The following RBMS3 variants were observed in gnomAD, a reference collection of about 807,000 sequenced individuals.
RBMS3 encodes the protein RNA-binding motif, single-stranded-interacting protein 3.
In RBMS3, 27 loss-of-function variants were observed where a neutral mutation model predicts 66.8. The ratio of observed to expected loss-of-function variants is 0.40; its 90% confidence interval spans 0.30 to 0.56. The LOEUF (loss-of-function observed/expected upper bound fraction) is 0.56, where lower values mean the gene tolerates loss of function less well. Ranked by LOEUF, RBMS3 falls within the 20% of genes least tolerant of loss-of-function variation. The probability of loss-of-function intolerance (pLI) is 0.40; values close to 1 mark genes in which losing one functional copy is unlikely to be tolerated. For synonymous variants in RBMS3, 188 were observed against 183.0 expected (o/e 1.03, Z -0.22); for missense variants, 513 against 549.5 (o/e 0.93, Z 0.66).
At chr3:29,368,597 TAGA>T (rs1210448941) in intron 1 of RBMS3, among the ~76,000 whole-genome samples, 1 of 152,004 alleles carries the variant, frequency 6.6e-6, no homozygotes, top group Non-Finnish European at 1.5e-5. Flanking sequence ...TCAGTTTAAA[TAGA>T]ATGAAGAAAA....
chr3:29,739,506 A>G (rs1310998834), intron 4 of RBMS3, among the ~76,000 whole-genome samples: 1 of 151,618 alleles, frequency 6.6e-6, no homozygotes, highest in Admixed American at 6.6e-5. Context: ...CTAAGGAATG[A>G]TGGATGGAGA....
chr3:29,526,520 C>CAAAAAAAAAA lies in RBMS3; in HGVS notation c.307+38059_307+38068dup. Among the ~76,000 whole-genome samples the CAAAAAAAAAA allele has an allele frequency of 5.6e-5, 2 of 35,936 alleles. 1 individual carries two copies. The highest frequency in any genetic ancestry group is 1.1e-4 in the Non-Finnish European group (2 of 18,282). 23.6% of individuals were successfully genotyped at this position (35,936 alleles called of 152,430 possible). On this transcript the variant is annotated intron_variant, in intron 3 of 14. Transcript: ENST00000383767. ...TGGACGACAGAGCGAGACTCCATCT[C>CAAAAAAAAAA]AAAAAAAAAAAAAAAAAAAAAAAAA...
At chr3:29,826,126 A>G (rs2058205808) in intron 6 of RBMS3, among the ~76,000 whole-genome samples, 1 of 152,194 alleles carries the variant, frequency 6.6e-6, no homozygotes, top group Non-Finnish European at 1.5e-5. Context: ...GATGGCATGT[A>G]TATCAATGAT....
At chr3:29,414,972 G>A (rs2040421800) in intron 1 of RBMS3, among the ~76,000 whole-genome samples, 1 of 152,142 alleles carries the variant, frequency 6.6e-6, no homozygotes, top group Non-Finnish European at 1.5e-5. Flanking sequence ...GCCTAGCATT[G>A]CTCTTTTTTC....
At chr3:29,533,601 C>G (rs113503991) in intron 3 of RBMS3, among the ~76,000 whole-genome samples, 1 of 152,068 alleles carries the variant, frequency 6.6e-6, no homozygotes, top group Non-Finnish European at 1.5e-5. Flanking sequence ...CATGGTGAAA[C>G]CCCATCTCTA....
intron 6 of RBMS3, among the ~76,000 whole-genome samples, chr3:29,793,366 A>G (rs1349957718): frequency 2.0e-5 from 3 of 152,130 alleles, no homozygotes; most frequent in African/African-American, 4.8e-5. Context: ...CCACTTCTGT[A>G]TACTAAGAAC....
chr3:29,360,270 G>T (rs1399299965), intron 1 of RBMS3, among the ~76,000 whole-genome samples: 1 of 151,956 alleles, frequency 6.6e-6, no homozygotes, highest in Non-Finnish European at 1.5e-5. Flanking sequence ...TGGTTTCAAA[G>T]AATATCTTTA....
Position 30,008,539 on chromosome 3 carries a change from C to T in RBMS3, c.*4677C>T, listed in dbSNP as rs760972474. On this transcript the variant is annotated 3_prime_UTR_variant, in exon 15 of 15. Transcript: ENST00000383767. ...AAGTGAAGGATGAGATTTTGTCTTTCATGTTATTGTAGCTGGCATGCTTCA... is the reference window on the plus strand; with the variant it reads ...AAGTGAAGGATGAGATTTTGTCTTTTATGTTATTGTAGCTGGCATGCTTCA... The T allele has an allele frequency of 4.6e-5, 7 of 152,022 alleles. No individual in the cohort carries two copies. Among genetic ancestry groups the T allele is most frequent in the Non-Finnish European group, 7.4e-5 (5 of 67,950 alleles). 9.4% of individuals were successfully genotyped at this position (152,022 alleles called of 1,614,324 possible). A position where few individuals can be genotyped will look rare whatever the true frequency, so the allele number is the denominator to read the frequency against.
intron 10 of RBMS3, among the ~76,000 whole-genome samples, chr3:29,933,511 C>T (rs1043264485): frequency 1.3e-5 from 2 of 152,122 alleles, no homozygotes; most frequent in Non-Finnish European, 2.9e-5. Context: ...TACTCCCTGA[C>T]TGTACATTTC....
chr3:29,469,676 T>TATATATAC (rs2042655789), intron 2 of RBMS3, among the ~76,000 whole-genome samples: 1 of 151,224 alleles, frequency 6.6e-6, no homozygotes, highest in African/African-American at 2.4e-5. Flanking sequence ...TATATATATA[T>TATATATAC]ATACATACGT....
intron 3 of RBMS3, among the ~76,000 whole-genome samples, chr3:29,528,619 A>T (rs1432302374): frequency 2.0e-5 from 3 of 152,204 alleles, no homozygotes; most frequent in Non-Finnish European, 2.9e-5. Flanking sequence ...ACAGCATTTT[A>T]TGCTTACTCC....
chr3:29,601,480 T>C (rs1271987747), intron 4 of RBMS3, among the ~76,000 whole-genome samples: 1 of 152,014 alleles, frequency 6.6e-6, no homozygotes, highest in African/African-American at 2.4e-5. Context: ...AGAGACAGAC[T>C]TTTGGGCTGG....
intron 3 of RBMS3, among the ~76,000 whole-genome samples, chr3:29,490,908 T>C (rs924583999): frequency 6.6e-6 from 1 of 152,044 alleles, no homozygotes; most frequent in African/African-American, 2.4e-5. Context: ...CAAGCACCAA[T>C]CAGAAGCACA....
chr3:29,816,311 GACACACACAC>G (rs66518208), intron 6 of RBMS3, among the ~76,000 whole-genome samples: 1,214 of 69,076 alleles, frequency 0.018, 18 homozygotes, highest in African/African-American at 0.066. Context: ...GACACACACA[GACACACACAC>G]ACACACACAC....
At chr3:29,642,479 G>A (rs2049752967) in intron 4 of RBMS3, among the ~76,000 whole-genome samples, 1 of 152,052 alleles carries the variant, frequency 6.6e-6, no homozygotes, top group Admixed American at 6.6e-5. Flanking sequence ...AAGTAAAAAT[G>A]TATGGTTTCA....
intron 1 of RBMS3, among the ~76,000 whole-genome samples, chr3:29,351,269 A>C (rs1477088374): frequency 6.6e-6 from 1 of 152,150 alleles, no homozygotes; most frequent in African/African-American, 2.4e-5. Flanking sequence ...TCTTAGGATT[A>C]ATTTCTCTAA....
intron 2 of RBMS3, among the ~76,000 whole-genome samples, chr3:29,475,815 T>A (rs1005151119): frequency 6.6e-6 from 1 of 152,112 alleles, no homozygotes; most frequent in African/African-American, 2.4e-5. Context: ...CAGGTCATAT[T>A]GAGAGCATTA....
chr3:29,527,080 C>T (rs2045144389), intron 3 of RBMS3, among the ~76,000 whole-genome samples: 1 of 144,820 alleles, frequency 6.9e-6, no homozygotes, highest in African/African-American at 2.6e-5. Context: ...TGTGCTGATT[C>T]TGAAATATTT....
intron 10 of RBMS3, among the ~76,000 whole-genome samples, chr3:29,914,160 G>A (rs889608870): frequency 3.3e-5 from 5 of 151,884 alleles, no homozygotes; most frequent in Non-Finnish European, 7.4e-5. Flanking sequence ...TGAGATTTGT[G>A]GTATTAATTA....
Sources: gnomAD v4.1 joint callset for allele counts (sites outside exome capture counted in the v4.1 genomes callset) on GRCh38, gnomAD v4.1.1 for gene constraint, MANE v1.5 for transcripts, NCBI Gene and HGNC (gene_info 2026-07-23, HGNC 2026-07-21) for gene names.